Variants in FBXO42 observed in about 807,000 individuals in gnomAD.
FBXO42 encodes F-box only protein 42.
In FBXO42, 12 loss-of-function variants were observed where a neutral mutation model predicts 71.7. The observed-to-expected ratio is 0.17, with a 90% confidence interval of 0.11 to 0.27. The LOEUF is 0.27. FBXO42 is among the 10% of genes least tolerant of loss of function. The pLI is 1.00. For missense variants in FBXO42, 707 were observed against 911.9 expected (o/e 0.78, Z 2.89); for synonymous variants, 325 against 327.5 (o/e 0.99, Z 0.08).
At chr1:16,339,303 T>A (rs1206499626) in intron 1 of FBXO42, among the ~76,000 whole-genome samples, 2 of 152,210 alleles carry the variant, frequency 1.3e-5, no homozygotes, top group Non-Finnish European at 2.9e-5. Context: ...TATTTCATAT[T>A]GTTATAGTTT....
intron 4 of FBXO42, among the ~76,000 whole-genome samples, chr1:16,285,612 A>G (rs1174151717): frequency 6.6e-6 from 1 of 152,128 alleles, no homozygotes; most frequent in Admixed American, 6.5e-5. Flanking sequence ...ACTGGCTTCC[A>G]TCTTTATCAC....
At chr1:16,271,845 T>C (rs567282080) in intron 4 of FBXO42, among the ~76,000 whole-genome samples, 3 of 151,852 alleles carry the variant, frequency 2.0e-5, no homozygotes, top group South Asian at 2.1e-4. Context: ...GGATGCTCAA[T>C]AGTCCTCTGT....
chr1:16,315,830 T>C (rs532055387), intron 1 of FBXO42, among the ~76,000 whole-genome samples: 62 of 152,264 alleles, frequency 4.1e-4, no homozygotes, highest in Non-Finnish European at 8.1e-4. Context: ...AAACTAACTC[T>C]GGGTCTTGCA....
intron 3 of FBXO42, among the ~76,000 whole-genome samples, chr1:16,298,204 C>T (rs1417094846): frequency 2.0e-5 from 3 of 152,008 alleles, no homozygotes; most frequent in African/African-American, 4.8e-5. Flanking sequence ...CCAGCCTGGG[C>T]GATAGAGCAA....
At chr1:16,316,623 T>A (rs141906074) in intron 1 of FBXO42, among the ~76,000 whole-genome samples, 3,519 of 148,584 alleles carry the variant, frequency 0.024, 134 homozygotes, top group African/African-American at 0.082. Context: ...TAATCCCAGC[T>A]ACTCAGGAGG....
intron 1 of FBXO42, among the ~76,000 whole-genome samples, chr1:16,350,757 A>AAAAAGAAAGAAAG (rs1553156683): frequency 0.012 from 547 of 44,284 alleles, 10 homozygotes; most frequent in Non-Finnish European, 0.02. Context: ...AAAAAAAAAA[A>AAAAAGAAAGAAAG]AAAGAAAGAA....
rs1440087123 is a variant in FBXO42 at position 16,315,154 on chromosome 1, T to G, written c.250+15A>C. ...TTTGAAATCAATAAATAAACCTTTC[T>G]CCTATCCACAGTACCTTTGATAAGT... On this transcript the variant is annotated intron_variant, in intron 2 of 9. Transcript: ENST00000375592. The G allele has an allele frequency of 1.3e-6, 2 of 1,582,856 alleles. No individual in the cohort carries two copies. The highest frequency in any genetic ancestry group is 1.2e-5 in the South Asian group (1 of 86,764).
chr1:16,347,371 C>T (rs2082662014), intron 1 of FBXO42, among the ~76,000 whole-genome samples: 1 of 151,574 alleles, frequency 6.6e-6, no homozygotes, highest in African/African-American at 2.4e-5. Flanking sequence ...CAAAATTAGC[C>T]AGGCATGGTG....
chr1:16,304,053 C>T (rs558973399), intron 3 of FBXO42, among the ~76,000 whole-genome samples: 1 of 152,156 alleles, frequency 6.6e-6, no homozygotes, highest in African/African-American at 2.4e-5. Flanking sequence ...GATCCGCCCG[C>T]CTTGGCCTCC....
intron 2 of FBXO42, among the ~76,000 whole-genome samples, chr1:16,311,353 T>A (rs2082310261): frequency 1.3e-5 from 2 of 150,426 alleles, no homozygotes; most frequent in Admixed American, 1.3e-4. Context: ...CTGGGTGTGG[T>A]GGTACACACT....
chr1:16,313,515 C>T (rs897737523), intron 2 of FBXO42, among the ~76,000 whole-genome samples: 1 of 152,090 alleles, frequency 6.6e-6, no homozygotes, highest in African/African-American at 2.4e-5. Flanking sequence ...TTGCAGGGAG[C>T]CAATCTCTCC....
At chr1:16,325,255 A>G (rs542142138) in intron 1 of FBXO42, among the ~76,000 whole-genome samples, 29 of 152,214 alleles carry the variant, frequency 1.9e-4, no homozygotes, top group African/African-American at 6.7e-4. Flanking sequence ...CAACAACAAA[A>G]CAGAATTACC....
chr1:16,280,208 C>T (rs1197518737), intron 4 of FBXO42, among the ~76,000 whole-genome samples: 1 of 152,064 alleles, frequency 6.6e-6, no homozygotes, highest in Non-Finnish European at 1.5e-5. Flanking sequence ...GGTCTTCTTC[C>T]CAAAAGCCAT....
chr1:16,299,465 C>G (rs1460818494), intron 3 of FBXO42, among the ~76,000 whole-genome samples: 1 of 152,080 alleles, frequency 6.6e-6, no homozygotes, highest in Non-Finnish European at 1.5e-5. Flanking sequence ...GAAGGCACAG[C>G]CCAAAGTATG....
intron 1 of FBXO42, among the ~76,000 whole-genome samples, chr1:16,338,272 G>A (rs980473621): frequency 8.7e-5 from 13 of 149,670 alleles, no homozygotes; most frequent in Admixed American, 1.3e-4. Flanking sequence ...AAAAAAAAGA[G>A]GGAGGATCGC....
chr1:16,345,931 C>T (rs1168764472), intron 1 of FBXO42, among the ~76,000 whole-genome samples: 3 of 151,324 alleles, frequency 2.0e-5, no homozygotes, highest in Non-Finnish European at 1.5e-5. Flanking sequence ...AAGGTGAATC[C>T]GGGATAGCTT....
At chr1:16,298,127 G>A (rs1455312754) in intron 3 of FBXO42, among the ~76,000 whole-genome samples, 1 of 152,058 alleles carries the variant, frequency 6.6e-6, no homozygotes, top group Non-Finnish European at 1.5e-5. Context: ...TGGGGAGGCT[G>A]AGGCAGTAGA....
At chr1:16,319,246 G>A (rs1191448454) in intron 1 of FBXO42, among the ~76,000 whole-genome samples, 1 of 152,196 alleles carries the variant, frequency 6.6e-6, no homozygotes, top group Non-Finnish European at 1.5e-5. Flanking sequence ...AGACCGGGGA[G>A]AGCAGAGAAC....
intron 4 of FBXO42, among the ~76,000 whole-genome samples, chr1:16,275,568 A>C (rs1205826426): frequency 1.3e-5 from 2 of 152,174 alleles, no homozygotes; most frequent in Non-Finnish European, 2.9e-5. Context: ...GCAGTGAGCT[A>C]TGATGATGCC....
Sources: allele counts gnomAD v4.1 joint callset (sites outside exome capture counted in the v4.1 genomes callset), GRCh38; gene constraint gnomAD v4.1.1; transcripts MANE v1.5; gene names NCBI Gene and HGNC (gene_info 2026-07-23, HGNC 2026-07-21).